The following CNTNAP4 variants were observed in gnomAD, a reference collection of about 807,000 sequenced individuals.
The protein encoded by CNTNAP4 is contactin-associated protein-like 4.
A neutral mutation model predicts 148.4 loss-of-function variants in CNTNAP4; 98 were observed. That is an observed-to-expected ratio of 0.66 (90% CI 0.56 to 0.78). CNTNAP4 has a LOEUF of 0.78. CNTNAP4 is among the 30% of genes least tolerant of loss of function. The probability of loss-of-function intolerance (pLI) is 0.00; values close to 1 mark genes in which losing one functional copy is unlikely to be tolerated. For missense variants in CNTNAP4, 1,935 were observed against 1,565.6 expected, an observed-to-expected ratio of 1.24 and a Z score of -3.98; for synonymous variants, 730 against 565.1, an observed-to-expected ratio of 1.29 and a Z score of -4.14.
chr16:76,399,387 A>G (rs938089425), intron 3 of CNTNAP4, among the ~76,000 whole-genome samples: 1 of 152,252 alleles, frequency 6.6e-6, no homozygotes, highest in African/African-American at 2.4e-5. Flanking sequence ...ATAAGCTACC[A>G]AAATAGTTAT....
chr16:76,345,455 A>T (rs757907905), intron 2 of CNTNAP4, among the ~76,000 whole-genome samples: 1 of 152,246 alleles, frequency 6.6e-6, no homozygotes, highest in East Asian at 1.9e-4. Flanking sequence ...ATTCAAAAGT[A>T]TTGTGACAGA....
At chr16:76,451,058 A>G (rs552225352) in intron 7 of CNTNAP4, among the ~76,000 whole-genome samples, 2 of 152,320 alleles carry the variant, frequency 1.3e-5, no homozygotes, top group African/African-American at 2.4e-5. Context: ...GTCCCCAGCC[A>G]TGCATCCAGC....
chr16:76,308,178 T>C (rs1414291286), intron 1 of CNTNAP4, among the ~76,000 whole-genome samples: 1 of 152,188 alleles, frequency 6.6e-6, no homozygotes, highest in African/African-American at 2.4e-5. Flanking sequence ...CATGTTTGTG[T>C]TATTTCAAAT....
chr16:76,370,303 C>A (rs886590184), intron 3 of CNTNAP4, among the ~76,000 whole-genome samples: 1 of 151,278 alleles, frequency 6.6e-6, no homozygotes, highest in African/African-American at 2.5e-5. Flanking sequence ...AAAAAAAATC[C>A]TTAGTTCTGG....
intron 3 of CNTNAP4, among the ~76,000 whole-genome samples, chr16:76,388,894 G>C (rs759931567): frequency 2.6e-5 from 4 of 152,112 alleles, no homozygotes; most frequent in Non-Finnish European, 5.9e-5. Context: ...ATTGTTCTTT[G>C]TGTGCTTTAA....
At chr16:76,465,705 A>G (rs1309013842) in intron 9 of CNTNAP4, among the ~76,000 whole-genome samples, 1 of 152,224 alleles carries the variant, frequency 6.6e-6, no homozygotes, top group African/African-American at 2.4e-5. Context: ...TGGTAACCAT[A>G]TCTTACACTA....
chr16:76,411,177 T>C (rs1390640124), intron 3 of CNTNAP4, among the ~76,000 whole-genome samples: 1 of 151,502 alleles, frequency 6.6e-6, no homozygotes, highest in Non-Finnish European at 1.5e-5. Context: ...AACATTCTAA[T>C]TTTTCAAATT....
At chr16:76,429,885 TAAACTC>T (rs1235025711) in intron 4 of CNTNAP4, among the ~76,000 whole-genome samples, 1 of 152,218 alleles carries the variant, frequency 6.6e-6, no homozygotes, top group Admixed American at 6.6e-5. Context: ...AGCAGGATTT[TAAACTC>T]AAACTTAAAC....
chr16:76,307,274 T>C lies in CNTNAP4; in HGVS notation c.86-9139T>C, dbSNP rs376346436. The stretch of plus-strand genomic sequence containing the variant: ...GGTATTGAGAATGGATAACAACATA[T>C]GGAAAACATTGTTTGACTGCATTAA... On this transcript the variant is annotated intron_variant, in intron 1 of 23. Transcript: ENST00000611870. 4.0e-5 allele frequency among the ~76,000 whole-genome samples: 6 copies of C among 151,744 alleles called. No homozygotes were observed. The East Asian group carries it at 7.8e-4, about 20-fold the overall frequency.
At chr16:76,421,563 AC>A (rs1423183944) in intron 3 of CNTNAP4, among the ~76,000 whole-genome samples, 1 of 152,110 alleles carries the variant, frequency 6.6e-6, no homozygotes, top group Non-Finnish European at 1.5e-5. Context: ...TTTATTATAT[AC>A]TTTTCTAGAC....
chr16:76,299,903 C>G (rs1318210525), intron 1 of CNTNAP4, among the ~76,000 whole-genome samples: 1 of 152,066 alleles, frequency 6.6e-6, no homozygotes, highest in East Asian at 1.9e-4. Flanking sequence ...GGACAAAAAA[C>G]CAAACACCTC....
chr16:76,428,674 A>G (rs2079505429), intron 4 of CNTNAP4, among the ~76,000 whole-genome samples: 1 of 152,076 alleles, frequency 6.6e-6, no homozygotes, highest in Non-Finnish European at 1.5e-5. Context: ...CTACCATCAA[A>G]CATATTTGAC....
chr16:76,345,496 C>G (rs1418095377), intron 2 of CNTNAP4, among the ~76,000 whole-genome samples: 6 of 152,186 alleles, frequency 3.9e-5, no homozygotes, highest in Non-Finnish European at 8.8e-5. Flanking sequence ...GGATTGAACT[C>G]AATTCCATTG....
At chr16:76,310,029 G>A in intron 1 of CNTNAP4, 3 of 602,202 alleles carry the variant, frequency 5.0e-6, no homozygotes, top group Non-Finnish European at 9.0e-6. Flanking sequence ...TGCACTGGTT[G>A]CTTCAGACAG....
chr16:76,365,348 G>A (rs1043398794), intron 3 of CNTNAP4, among the ~76,000 whole-genome samples: 1 of 152,088 alleles, frequency 6.6e-6, no homozygotes, highest in Non-Finnish European at 1.5e-5. Flanking sequence ...GATTATCTTG[G>A]CTATGTGGGC....
intron 2 of CNTNAP4, among the ~76,000 whole-genome samples, chr16:76,345,105 G>A (rs546150445): frequency 6.6e-6 from 1 of 152,126 alleles, no homozygotes; most frequent in Non-Finnish European, 1.5e-5. Context: ...ACCTTTTACT[G>A]ACTGGGCCCC....
chr16:76,325,483 T>C (rs1411286849), intron 2 of CNTNAP4, among the ~76,000 whole-genome samples: 1 of 152,118 alleles, frequency 6.6e-6, no homozygotes, highest in East Asian at 1.9e-4. Context: ...GGAATTCAGC[T>C]AGAAATCATT....
At chr16:76,470,484 T>TAG in intron 10 of CNTNAP4, among the ~76,000 whole-genome samples, 1 of 106,978 alleles carries the variant, frequency 9.3e-6, no homozygotes, top group East Asian at 2.6e-4. Flanking sequence ...CTACTAATAA[T>TAG]ATATATATAT....
At chr16:76,548,580 G>T (rs562372262) in intron 21 of CNTNAP4, among the ~76,000 whole-genome samples, 1 of 151,820 alleles carries the variant, frequency 6.6e-6, no homozygotes, top group South Asian at 2.1e-4. Context: ...CAGGCCTTTT[G>T]TTAAAAGGTT....
Sources: gnomAD v4.1 joint callset for allele counts (sites outside exome capture counted in the v4.1 genomes callset) on GRCh38, gnomAD v4.1.1 for gene constraint, MANE v1.5 for transcripts, NCBI Gene and HGNC (gene_info 2026-07-23, HGNC 2026-07-21) for gene names.